The following DNAH5 variants were observed in gnomAD, a reference collection of about 807,000 sequenced individuals.
The protein encoded by DNAH5 is axonemal beta dynein heavy chain 5.
DNAH5 carries 372 observed loss-of-function variants against 518.2 expected under a neutral mutation model. That is an observed-to-expected ratio of 0.72 (90% confidence interval 0.66 to 0.78). The LOEUF is 0.78. Ranked by LOEUF, DNAH5 falls within the 30% of genes least tolerant of loss-of-function variation. The pLI, the probability that DNAH5 is intolerant of heterozygous loss-of-function variation, is 0.00. For missense variants in DNAH5, 5,523 were observed against 5,687.0 expected (o/e 0.97, Z 0.93); for synonymous variants, 2,039 against 2,025.9 (o/e 1.01, Z -0.17).
chr5:13,850,711 C>T lies in DNAH5; in HGVS notation c.5055G>A (p.Leu1685=), dbSNP rs1300753835. 1 of 1,614,074 alleles carries T rather than the reference C, an allele frequency of 6.2e-7. No individual in the cohort carries two copies. The change falls in exon 31 of 79, where the codon CTG becomes CTA. Residue 1685 remains leucine, a synonymous_variant. Transcript: ENST00000265104. The stretch of plus-strand genomic sequence containing the variant: ...CCAGCAAGTGTGGTAACAGCTGCCC[C>T]AGGGTCTCATCTCCAACACAGCACT... ...VVQCCVGDET[L]GQLLPHLLDQ...
At chr5:13,854,299 C>G (rs1232161867) in intron 30 of DNAH5, among the ~76,000 whole-genome samples, 1 of 152,116 alleles carries the variant, frequency 6.6e-6, no homozygotes, top group Admixed American at 6.5e-5. Flanking sequence ...AAATAAAATC[C>G]TTTAAAGACA....
chr5:13,747,306 G>A lies in DNAH5; in HGVS notation c.11211+3772C>T, dbSNP rs189361777. Among the ~76,000 whole-genome samples, 399 of 152,202 alleles carry A rather than the reference G, an allele frequency of 2.6e-3. 4 individuals are homozygous for A. The highest frequency in any genetic ancestry group is 9.3e-3 in the African/African-American group (388 of 41,516). Reference sequence around the variant, plus strand: ...TCTATCATTGTTGGACATTTGGTTTGGTTCCAAGTCTTTGCTATTGTGAAT... The same window carrying A: ...TCTATCATTGTTGGACATTTGGTTTAGTTCCAAGTCTTTGCTATTGTGAAT... On this transcript the variant is annotated intron_variant, in intron 65 of 78. Transcript: ENST00000265104.
chr5:13,718,143 G>C (rs1412039359), intron 72 of DNAH5, among the ~76,000 whole-genome samples: 1 of 152,068 alleles, frequency 6.6e-6, no homozygotes, highest in African/African-American at 2.4e-5. Context: ...AGGTTTTCCA[G>C]ATTGAAATAC....
At chr5:13,840,189 T>C (rs920707764) in intron 34 of DNAH5, among the ~76,000 whole-genome samples, 2 of 152,220 alleles carry the variant, frequency 1.3e-5, no homozygotes, top group Admixed American at 1.3e-4. Flanking sequence ...TAGCACACAA[T>C]AGCTTTGATG....
chr5:13,808,246 A>AAAAAG (rs1377994954), intron 46 of DNAH5, among the ~76,000 whole-genome samples: 3 of 143,760 alleles, frequency 2.1e-5, no homozygotes, highest in African/African-American at 8.2e-5. Flanking sequence ...AAAAAAAAAA[A>AAAAAG]AAGAGGAAAT....
chr5:13,881,056 G>A (rs567826398), intron 21 of DNAH5, among the ~76,000 whole-genome samples: 1 of 151,932 alleles, frequency 6.6e-6, no homozygotes, highest in South Asian at 2.1e-4. Context: ...AAGAGACAAA[G>A]ATCATCATAT....
At chr5:13,976,710 T>C (rs182888) in intron 1 of DNAH5, among the ~76,000 whole-genome samples, 48,857 of 133,024 alleles carry the variant, frequency 0.37, 8,990 homozygotes, top group South Asian at 0.48. Flanking sequence ...TATATATATA[T>C]ACACACACAC....
intron 47 of DNAH5, among the ~76,000 whole-genome samples, chr5:13,807,104 C>T (rs1470456808): frequency 4.6e-5 from 7 of 152,084 alleles, no homozygotes; most frequent in Admixed American, 4.6e-4. Context: ...TAGAGGTAAA[C>T]CAGGAGCATG....
In DNAH5 at chr5:13,769,516, G is replaced by C; in HGVS notation, c.9705C>G (p.Asn3235Lys). The C allele has an allele frequency of 8.1e-6, 13 of 1,613,928 alleles. 1 individual carries two copies. The South Asian group carries it at 1.4e-4, about 18-fold the overall frequency. Residue 3235 changes from asparagine (N) to lysine (K), a missense_variant, in exon 57 of 79, where the codon AAC becomes AAG. Physicochemically the swap from Asn to Lys is moderately conservative, Grantham distance 94. Coordinates refer to ENST00000265104, the MANE Select transcript of DNAH5 (RefSeq NM_001369.3). ...GCCCACCCACCATGTCGGCTTTATC[G>C]TTGGCCACTTGTAGCTCCTTTTCTT... is the stretch of plus-strand genomic sequence containing the variant. ...EAKEKELQVANDKADMVLKEV... is the reference protein window; with the variant it reads ...EAKEKELQVAKDKADMVLKEV...
chr5:13,890,656 T>C (rs1773096013), intron 17 of DNAH5, among the ~76,000 whole-genome samples: 1 of 152,218 alleles, frequency 6.6e-6, no homozygotes, highest in Admixed American at 6.5e-5. Flanking sequence ...GTTTCGTTAA[T>C]TAACCCTAGC....
chr5:13,757,961 T>C (rs892571925), intron 61 of DNAH5, among the ~76,000 whole-genome samples: 3 of 152,124 alleles, frequency 2.0e-5, no homozygotes, highest in Admixed American at 6.5e-5. Context: ...TTTCATAAAA[T>C]TATCAAGGTA....
rs1211208126 is a variant in DNAH5, at chr5:13,700,758, G to A, written c.13605C>T (p.Val4535=). The part of the protein sequence containing the change: ...ISAPPTEGVY[V]YGLYLEGAGW... ...CAGCACCTTCAAGATATAAGCCATAGACATAGACACCCTCTGTGGGAGGGG... is the reference window on the plus strand; with the variant it reads ...CAGCACCTTCAAGATATAAGCCATAAACATAGACACCCTCTGTGGGAGGGG... Residue 4535 remains valine, a synonymous_variant, in exon 78 of 79, where the codon GTC becomes GTT. Transcript: ENST00000265104. 4.3e-6 allele frequency: 7 copies of A among 1,614,132 alleles called. No homozygotes were observed. Among genetic ancestry groups the A allele is most frequent in the South Asian group, 1.1e-5 (1 of 91,082 alleles).
rs397996833 is a variant in DNAH5 at position 13,778,539 on chromosome 5, G to GAAGAAAGAAAGAAAGAAAGAAAGA, written c.8952-1208_8952-1185dup. Among the ~76,000 whole-genome samples, 143 of 73,886 alleles carry GAAGAAAGAAAGAAAGAAAGAAAGA rather than the reference G, an allele frequency of 1.9e-3. 2 individuals carry two copies. The highest frequency in any genetic ancestry group is 6.2e-3 in the Middle Eastern group (1 of 162). The allele number at this position is 73,886 out of a possible 152,430, so 48.5% of individuals were successfully genotyped here. A position where few individuals can be genotyped will look rare whatever the true frequency, so the allele number is the denominator to read the frequency against. ...GGGGAGAGAAAGTGAGAGAGAGAGA[G>GAAGAAAGAAAGAAAGAAAGAAAGA]AAGAAAGAAAGAAAGAAAGAAAGAA... is the stretch of plus-strand genomic sequence containing the variant. On this transcript the variant is annotated intron_variant, in intron 53 of 78. Transcript: ENST00000265104.
chr5:13,946,501 G>A (rs1343973192), upstream of DNAH5, among the ~76,000 whole-genome samples: 1 of 152,180 alleles, frequency 6.6e-6, no homozygotes, highest in Admixed American at 6.5e-5. Flanking sequence ...ACCCCCGCCA[G>A]CCCCTGCCAG....
intron 77 of DNAH5, 70 bp downstream of exon 77, chr5:13,701,208 CTTTAAA>C: frequency 1.3e-6 from 2 of 1,581,462 alleles, no homozygotes; most frequent in Non-Finnish European, 1.7e-6. Context: ...TTATTATAGT[CTTTAAA>C]ACTATAATGA....
chr5:13,984,726 T>A (rs1581111074), intron 1 of DNAH5, among the ~76,000 whole-genome samples: 1 of 152,196 alleles, frequency 6.6e-6, no homozygotes, highest in East Asian at 1.9e-4. Context: ...TTATTGAGAG[T>A]TTTTAGCATG....
At chr5:13,787,527 C>T (rs539167055) in intron 51 of DNAH5, among the ~76,000 whole-genome samples, 5 of 152,266 alleles carry the variant, frequency 3.3e-5, no homozygotes, top group South Asian at 2.1e-4. Context: ...CTCATAAATG[C>T]CCAAATCAAG....
chr5:14,008,027 G>C (rs1423625550), intron 1 of DNAH5, among the ~76,000 whole-genome samples: 9 of 151,984 alleles, frequency 5.9e-5, no homozygotes, highest in South Asian at 2.1e-4. Flanking sequence ...ACAAAAATTA[G>C]CAGGTGTAAT....
At chr5:13,764,968 T>A (rs753017974) in intron 59 of DNAH5, among the ~76,000 whole-genome samples, 19 of 152,224 alleles carry the variant, frequency 1.2e-4, no homozygotes, top group Non-Finnish European at 2.5e-4. Context: ...ATAAATGATA[T>A]CTCAAACAAA....
Sources: allele counts gnomAD v4.1 joint callset (sites outside exome capture counted in the v4.1 genomes callset), GRCh38; gene constraint gnomAD v4.1.1; transcripts MANE v1.5; gene names NCBI Gene and HGNC (gene_info 2026-07-23, HGNC 2026-07-21).